The following ESR1 variants were observed in gnomAD, a reference collection of about 807,000 sequenced individuals.
The protein encoded by ESR1 is estrogen receptor.
ESR1 carries 12 observed loss-of-function variants against 52.7 expected under a neutral mutation model. The observed-to-expected ratio is 0.23, with a 90% CI of 0.15 to 0.37. The LOEUF (loss-of-function observed/expected upper bound fraction) is 0.37. Ranked by LOEUF, ESR1 falls within the 10% of genes least tolerant of loss-of-function variation. ESR1 has a pLI of 1.00. For missense variants in ESR1, 584 were observed against 779.7 expected (o/e 0.75, Z 2.99); for synonymous variants, 305 against 316.8 (o/e 0.96, Z 0.39).
chr6:151,991,322 G>A (rs1343196804), intron 4 of ESR1, among the ~76,000 whole-genome samples: 1 of 152,022 alleles, frequency 6.6e-6, no homozygotes, highest in African/African-American at 2.4e-5. Flanking sequence ...TGTAGAATTT[G>A]GTTTCGCATT....
intron 2 of ESR1, among the ~76,000 whole-genome samples, chr6:151,769,147 G>A (rs766357296): frequency 6.6e-6 from 1 of 152,086 alleles, no homozygotes; most frequent in Non-Finnish European, 1.5e-5. Flanking sequence ...ATTGTCAGTC[G>A]TTTCACCAAG....
intron 3 of ESR1, among the ~76,000 whole-genome samples, chr6:151,900,067 G>A (rs544428965): frequency 8.5e-5 from 13 of 152,372 alleles, no homozygotes; most frequent in Admixed American, 2.0e-4. Context: ...AGGTTGTAGC[G>A]AGCTGAGATC....
intron 5 of ESR1, among the ~76,000 whole-genome samples, chr6:152,016,129 G>A (rs2043151569): frequency 1.3e-5 from 2 of 152,120 alleles, no homozygotes; most frequent in Non-Finnish European, 2.9e-5. Flanking sequence ...CCCTGCACAA[G>A]CTCTCTTGCC....
At chr6:151,761,014 T>A (rs1267103387) in intron 2 of ESR1, among the ~76,000 whole-genome samples, 1 of 152,216 alleles carries the variant, frequency 6.6e-6, no homozygotes, top group African/African-American at 2.4e-5. Context: ...GGATGTTACT[T>A]TCAAGAAGGT....
At chr6:151,727,685 T>C (rs545262834) in intron 2 of ESR1, among the ~76,000 whole-genome samples, 1 of 152,292 alleles carries the variant, frequency 6.6e-6, no homozygotes, top group African/African-American at 2.4e-5. Context: ...GTAATCTCCA[T>C]AACCCCCACT....
chr6:151,927,106 A>G (rs2032873338), intron 3 of ESR1, among the ~76,000 whole-genome samples: 1 of 152,176 alleles, frequency 6.6e-6, no homozygotes. Context: ...ATATGATCAT[A>G]TGACTTTTCC....
At chr6:152,058,279 A>G (rs1459314318) in intron 5 of ESR1, among the ~76,000 whole-genome samples, 1 of 152,158 alleles carries the variant, frequency 6.6e-6, no homozygotes, top group South Asian at 2.1e-4. Flanking sequence ...CTCAATGCCA[A>G]TGGAGCCTTT....
At chr6:151,660,872 C>G (rs796278147) in intron 1 of ESR1, among the ~76,000 whole-genome samples, 20 of 152,286 alleles carry the variant, frequency 1.3e-4, no homozygotes, top group African/African-American at 4.8e-4. Flanking sequence ...TTCGCACTCA[C>G]GAGATACTCT....
chr6:151,863,878 A>G (rs1463153210), intron 2 of ESR1, among the ~76,000 whole-genome samples: 3 of 152,212 alleles, frequency 2.0e-5, no homozygotes, highest in Non-Finnish European at 2.9e-5. Context: ...CTGAAACTGG[A>G]TCACTTCCTT....
chr6:151,853,169 C>CAAAAAA (rs386408969), intron 2 of ESR1, among the ~76,000 whole-genome samples: 73 of 42,870 alleles, frequency 1.7e-3, no homozygotes, highest in Non-Finnish European at 2.1e-3. Context: ...AGACTCGTCT[C>CAAAAAA]AAAAAAAAAA....
In ESR1 at chr6:152,024,406, C is replaced by A. The variant is rs1440685150; in HGVS notation, c.1235+12612C>A. Among the ~76,000 whole-genome samples the A allele has an allele frequency of 8.6e-5, 13 of 151,740 alleles. No homozygotes were observed. In the East Asian group the frequency reaches 2.3e-3, roughly 27 times the overall value. ...ACCTTTAGAATTAACTTGTTTAATTCTATAAGTAAATTTATTGATAATTTT... is the reference window on the plus strand; with the variant it reads ...ACCTTTAGAATTAACTTGTTTAATTATATAAGTAAATTTATTGATAATTTT... On this transcript the variant is annotated intron_variant, in intron 5 of 7. Coordinates refer to ENST00000206249, the MANE Select transcript of ESR1 (RefSeq NM_000125.4).
intron 3 of ESR1, among the ~76,000 whole-genome samples, chr6:151,922,798 C>T (rs776655438): frequency 1.3e-5 from 2 of 152,036 alleles, no homozygotes; most frequent in Non-Finnish European, 2.9e-5. Context: ...GCTGATAGTG[C>T]AAAGAGATAT....
intron 2 of ESR1, among the ~76,000 whole-genome samples, chr6:151,740,505 G>C (rs1378920819): frequency 6.6e-6 from 1 of 151,698 alleles, no homozygotes; most frequent in Admixed American, 6.6e-5. Flanking sequence ...TCCCACAGCT[G>C]ACAAAATGGC....
chr6:151,914,185 C>T (rs548667256), intron 3 of ESR1, among the ~76,000 whole-genome samples: 1 of 151,828 alleles, frequency 6.6e-6, no homozygotes, highest in Admixed American at 6.6e-5. Flanking sequence ...CTGCTCTATT[C>T]TCTGCAATTC....
At chr6:151,839,730 C>T (rs997533760) in intron 1 of ESR1, among the ~76,000 whole-genome samples, 5 of 151,930 alleles carry the variant, frequency 3.3e-5, no homozygotes, top group Admixed American at 2.6e-4. Flanking sequence ...TAGGGTTTCA[C>T]TTAATGAGGT....
intron 6 of ESR1, among the ~76,000 whole-genome samples, chr6:152,109,298 T>G (rs2051103159): frequency 6.6e-6 from 1 of 152,174 alleles, no homozygotes. Flanking sequence ...TAAGTAAATT[T>G]TCATAGTTTT....
At chr6:152,017,390 T>G (rs926287233) in intron 5 of ESR1, among the ~76,000 whole-genome samples, 1 of 152,218 alleles carries the variant, frequency 6.6e-6, no homozygotes, top group African/African-American at 2.4e-5. Flanking sequence ...CACTTAATGC[T>G]GTCATCTCTT....
At chr6:151,894,677 G>A (rs1233681387) in intron 3 of ESR1, among the ~76,000 whole-genome samples, 1 of 151,958 alleles carries the variant, frequency 6.6e-6, no homozygotes, top group Non-Finnish European at 1.5e-5. Context: ...TGTTGGCTTT[G>A]GCAAAGAGCA....
chr6:151,695,006 G>A (rs775484199), intron 1 of ESR1, among the ~76,000 whole-genome samples: 4 of 152,160 alleles, frequency 2.6e-5, no homozygotes, highest in Non-Finnish European at 4.4e-5. Context: ...ATGTGGCAAA[G>A]CTGGAATGTG....
Sources: allele counts gnomAD v4.1 joint callset (sites outside exome capture counted in the v4.1 genomes callset), GRCh38; gene constraint gnomAD v4.1.1; transcripts MANE v1.5; gene names NCBI Gene and HGNC (gene_info 2026-07-23, HGNC 2026-07-21).